Variants in CEP128 observed in about 807,000 individuals in gnomAD.
CEP128 encodes the protein centrosomal protein 128, also known as centrosomal protein 128kDa.
CEP128 carries 132 observed loss-of-function variants against 156.7 expected under a neutral mutation model. That is an observed-to-expected ratio of 0.84 (90% CI 0.73 to 0.97). The LOEUF is 0.97. Ranked by LOEUF, CEP128 falls within the 50% of genes least tolerant of loss-of-function variation. The pLI is 0.00. For synonymous variants in CEP128, 469 were observed against 448.9 expected (o/e 1.04, Z -0.57); for missense variants, 1,252 against 1,281.9 (o/e 0.98, Z 0.36).
chr14:80,926,151 A>C (rs972226862), intron 2 of CEP128, among the ~76,000 whole-genome samples: 9 of 152,184 alleles, frequency 5.9e-5, no homozygotes, highest in Non-Finnish European at 1.3e-4. Context: ...AGGGGTGGGC[A>C]GAAAGTGTGC....
chr14:80,850,427 C>T (rs1886833185), intron 9 of CEP128, among the ~76,000 whole-genome samples: 3 of 152,148 alleles, frequency 2.0e-5, no homozygotes, highest in African/African-American at 4.8e-5. Context: ...GTGGTCAAAA[C>T]TTGTAGTAAT....
At chr14:80,901,205 CA>C (rs1045146086) in intron 6 of CEP128, among the ~76,000 whole-genome samples, 36 of 138,836 alleles carry the variant, frequency 2.6e-4, no homozygotes, top group Admixed American at 2.2e-4. Flanking sequence ...GACTCCGTCT[CA>C]AAAAAAAAAA....
chr14:80,617,519 G>GC (rs1230649982), intron 19 of CEP128, among the ~76,000 whole-genome samples: 4 of 152,074 alleles, frequency 2.6e-5, no homozygotes, highest in African/African-American at 9.7e-5. Flanking sequence ...ACAGGCATGA[G>GC]CCACCGCGCC....
chr14:80,537,139 G>A (rs896565618), intron 21 of CEP128, among the ~76,000 whole-genome samples: 1 of 152,002 alleles, frequency 6.6e-6, no homozygotes, highest in Non-Finnish European at 1.5e-5. Flanking sequence ...GATACAGAAG[G>A]CTTTCTAGGT....
chr14:80,867,664 A>C (rs188156807), intron 8 of CEP128, among the ~76,000 whole-genome samples: 80 of 151,870 alleles, frequency 5.3e-4, no homozygotes, highest in Middle Eastern at 6.8e-3. Context: ...CACTCAGAGA[A>C]ACAAAAAAAA....
At chr14:80,665,657 TG>T (rs1895582435) in intron 19 of CEP128, among the ~76,000 whole-genome samples, 1 of 151,990 alleles carries the variant, frequency 6.6e-6, no homozygotes, top group Non-Finnish European at 1.5e-5. Flanking sequence ...TCTAAACAAC[TG>T]CTCTTTATTC....
At chr14:80,809,189 A>G (rs1422001184) in intron 13 of CEP128, among the ~76,000 whole-genome samples, 1 of 152,202 alleles carries the variant, frequency 6.6e-6, no homozygotes, top group Non-Finnish European at 1.5e-5. Flanking sequence ...AATGAACCAG[A>G]CAAGAATTCT....
At chr14:80,813,895 T>C (rs1884700992) in intron 13 of CEP128, among the ~76,000 whole-genome samples, 2 of 152,220 alleles carry the variant, frequency 1.3e-5, no homozygotes, top group African/African-American at 4.8e-5. Context: ...TATACTTTCC[T>C]TAGTGCTGTA....
At chr14:80,617,978 T>C (rs774746365) in intron 19 of CEP128, among the ~76,000 whole-genome samples, 41 of 152,354 alleles carry the variant, frequency 2.7e-4, no homozygotes, top group Middle Eastern at 6.8e-3. Context: ...AGCTTTTTCA[T>C]CTATAAAATG....
At chr14:80,549,499 C>A (rs1243484456) in intron 21 of CEP128, among the ~76,000 whole-genome samples, 1 of 152,130 alleles carries the variant, frequency 6.6e-6, no homozygotes, top group Non-Finnish European at 1.5e-5. Flanking sequence ...CTTGGCAAAA[C>A]CAAAAATGAA....
intron 16 of CEP128, among the ~76,000 whole-genome samples, chr14:80,770,124 A>G (rs1217379162): frequency 6.6e-6 from 1 of 152,200 alleles, no homozygotes; most frequent in African/African-American, 2.4e-5. Context: ...TGTAGTTATC[A>G]ATCCCTCAGT....
intron 13 of CEP128, among the ~76,000 whole-genome samples, chr14:80,823,585 A>T (rs1173490203): frequency 6.6e-6 from 1 of 150,802 alleles, no homozygotes; most frequent in Non-Finnish European, 1.5e-5. Context: ...TCTTTAATAA[A>T]GCTGGATACA....
chr14:80,935,602 A>AT (rs1885744678), intron 2 of CEP128, among the ~76,000 whole-genome samples: 1 of 140,012 alleles, frequency 7.1e-6, no homozygotes, highest in African/African-American at 2.6e-5. Flanking sequence ...AAATAAATAA[A>AT]AATAAAGTAC....
rs1232833210 is a variant in CEP128, at chr14:80,655,253, CCTAT to C, written c.2807-74834_2807-74831del. On this transcript the variant is annotated intron_variant, in intron 19 of 24. Transcript: ENST00000555265. ...AAACTTCCTTATTTATATCTCCATC[CCTAT>C]CTATTTATATCTATCCATCCAATCT... Among the ~76,000 whole-genome samples the C allele has an allele frequency of 9.2e-5, 14 of 152,222 alleles. 1 individual carries two copies. In the South Asian group the frequency reaches 2.7e-3, roughly 29 times the overall value.
intron 19 of CEP128, among the ~76,000 whole-genome samples, chr14:80,724,773 C>T (rs1897948494): frequency 6.6e-6 from 1 of 151,778 alleles, no homozygotes; most frequent in African/African-American, 2.4e-5. Flanking sequence ...TGTGTTTTAC[C>T]TTGCTGTTAC....
At chr14:80,776,183 A>G (rs1036479065) in intron 16 of CEP128, among the ~76,000 whole-genome samples, 10 of 152,010 alleles carry the variant, frequency 6.6e-5, no homozygotes, top group Admixed American at 6.5e-4. Flanking sequence ...AAATGCAGCT[A>G]TGGAAATATA....
intron 9 of CEP128, among the ~76,000 whole-genome samples, chr14:80,862,195 A>G (rs909967315): frequency 6.6e-6 from 1 of 152,214 alleles, no homozygotes; most frequent in Non-Finnish European, 1.5e-5. Context: ...TTTAAACTCC[A>G]TGGGCCATAT....
At chr14:80,867,908 CA>C (rs1887844796) in intron 8 of CEP128, among the ~76,000 whole-genome samples, 1 of 151,882 alleles carries the variant, frequency 6.6e-6, no homozygotes, top group Non-Finnish European at 1.5e-5. Flanking sequence ...CTGAAACGCA[CA>C]ATAATCAAAT....
intron 19 of CEP128, among the ~76,000 whole-genome samples, chr14:80,649,601 C>G (rs1012871150): frequency 1.3e-5 from 2 of 152,040 alleles, no homozygotes; most frequent in Non-Finnish European, 2.9e-5. Flanking sequence ...TTCTATTGCA[C>G]CACCTTGGAA....
Sources: gnomAD v4.1 joint callset for allele counts (sites outside exome capture counted in the v4.1 genomes callset) on GRCh38, gnomAD v4.1.1 for gene constraint, MANE v1.5 for transcripts, NCBI Gene and HGNC (gene_info 2026-07-23, HGNC 2026-07-21) for gene names.